SORCS2: variants seen among roughly 807,000 people sequenced by gnomAD.
SORCS2 encodes the protein sortilin related VPS10 domain containing receptor 2, also known as VPS10 domain-containing receptor SorCS2.
Under a neutral mutation model 141.6 loss-of-function variants are expected in SORCS2, and 100 were observed. The ratio of observed to expected loss-of-function variants is 0.71; its 90% CI spans 0.60 to 0.83. The LOEUF (loss-of-function observed/expected upper bound fraction) is 0.83, where lower values mean the gene tolerates loss of function less well. SORCS2 is among the 40% of genes least tolerant of loss of function. The pLI, the probability that SORCS2 is intolerant of heterozygous loss-of-function variation, is 0.00. For missense variants in SORCS2, 1,646 were observed against 1,560.2 expected (o/e 1.05, Z -0.93); for synonymous variants, 789 against 676.9 (o/e 1.17, Z -2.57).
rs1161636322 is a variant in SORCS2, at chr4:7,740,863, C to T, written c.*599C>T. 1 of 395,544 alleles carries T rather than the reference C, an allele frequency of 2.5e-6. No homozygotes were observed. Among genetic ancestry groups the T allele is most frequent in the Non-Finnish European group, 4.4e-6 (1 of 224,826 alleles). 24.5% of individuals were successfully genotyped at this position (395,544 alleles called of 1,614,324 possible). A position where few individuals can be genotyped will look rare whatever the true frequency, so the allele number is the denominator to read the frequency against. Reference sequence around the variant, plus strand: ...GCTGCTGGCGGTGGTGGGGGTGTCTCACTCTCTGTCTTTATAGCCGGCGGT... The same window carrying T: ...GCTGCTGGCGGTGGTGGGGGTGTCTTACTCTCTGTCTTTATAGCCGGCGGT... On this transcript the variant is annotated 3_prime_UTR_variant, in exon 27 of 27. Coordinates refer to ENST00000507866, the MANE Select transcript of SORCS2 (RefSeq NM_020777.3).
At chr4:7,620,785 A>G (rs1288375367) in intron 3 of SORCS2, among the ~76,000 whole-genome samples, 1 of 152,122 alleles carries the variant, frequency 6.6e-6, no homozygotes, top group Non-Finnish European at 1.5e-5. Context: ...GGCCAGGGCT[A>G]GTGGTGAAGG....
intron 18 of SORCS2, among the ~76,000 whole-genome samples, chr4:7,720,133 TCACA>T (rs1285815838): frequency 1.3e-5 from 2 of 152,120 alleles, no homozygotes; most frequent in African/African-American, 2.4e-5. Context: ...ACACACTGTC[TCACA>T]CACACAGGCC....
chr4:7,227,118 C>T (rs1337938781), intron 1 of SORCS2, among the ~76,000 whole-genome samples: 1 of 152,184 alleles, frequency 6.6e-6, no homozygotes, highest in African/African-American at 2.4e-5. Flanking sequence ...TGCACTTGTG[C>T]GTGCTCACAC....
In SORCS2 at chr4:7,433,102, G is replaced by A. The variant is rs1294083601; in HGVS notation, c.548+36747G>A. On this transcript the variant is annotated intron_variant, in intron 2 of 26. Coordinates refer to ENST00000507866, the MANE Select transcript of SORCS2 (RefSeq NM_020777.3). Reference sequence around the variant, plus strand: ...GAGCGGGGCACATGAGTGTGTTCCGGTCCAGTAGAGATGCTTTCAAGGGCA... The same window carrying A: ...GAGCGGGGCACATGAGTGTGTTCCGATCCAGTAGAGATGCTTTCAAGGGCA... The A allele has an allele frequency of 9.2e-6, 4 of 434,362 alleles. No homozygotes were observed. The East Asian group carries it at 1.1e-4, about 12-fold the overall frequency. The allele number at this position is 434,362 out of a possible 1,614,324, so 26.9% of individuals were successfully genotyped here. A position where few individuals can be genotyped will look rare whatever the true frequency, so the allele number is the denominator to read the frequency against.
intron 2 of SORCS2, among the ~76,000 whole-genome samples, chr4:7,488,102 G>A (rs10937826): frequency 0.013 from 1,914 of 152,060 alleles, 14 homozygotes; most frequent in Admixed American, 0.021. Flanking sequence ...GGAGAGGTTC[G>A]GAAATTAAGG....
At chr4:7,439,560 TC>T (rs1486793846) in intron 2 of SORCS2, among the ~76,000 whole-genome samples, 1 of 152,220 alleles carries the variant, frequency 6.6e-6, no homozygotes, top group Non-Finnish European at 1.5e-5. Flanking sequence ...GAGTGCTCCT[TC>T]CCAGTTACTT....
intron 1 of SORCS2, among the ~76,000 whole-genome samples, chr4:7,349,476 C>G (rs1311848088): frequency 1.3e-5 from 2 of 152,090 alleles, no homozygotes; most frequent in Non-Finnish European, 2.9e-5. Flanking sequence ...TCCCCAGGCC[C>G]TGGAGAGGCC....
At chr4:7,699,062 G>T (rs1177844997) in intron 12 of SORCS2, among the ~76,000 whole-genome samples, 1 of 152,166 alleles carries the variant, frequency 6.6e-6, no homozygotes, top group Non-Finnish European at 1.5e-5. Context: ...TGGTTTAATC[G>T]ACATAACCTT....
At chr4:7,707,046 C>G (rs1373968244) in intron 14 of SORCS2, among the ~76,000 whole-genome samples, 2 of 152,198 alleles carry the variant, frequency 1.3e-5, no homozygotes, top group Non-Finnish European at 2.9e-5. Flanking sequence ...GTACCTTGAG[C>G]AAAACCTGTG....
intron 2 of SORCS2, among the ~76,000 whole-genome samples, chr4:7,459,623 C>T (rs1729159341): frequency 6.6e-6 from 1 of 152,176 alleles, no homozygotes; most frequent in South Asian, 2.1e-4. Context: ...ATTCCCCGGG[C>T]ATCTGTCCTG....
chr4:7,452,658 C>T (rs909526274), intron 2 of SORCS2, among the ~76,000 whole-genome samples: 2 of 152,232 alleles, frequency 1.3e-5, no homozygotes, highest in African/African-American at 2.4e-5. Context: ...TAGCCACATG[C>T]CCAGCAGCTG....
chr4:7,698,820 C>T (rs570813487), intron 12 of SORCS2, among the ~76,000 whole-genome samples: 1 of 149,180 alleles, frequency 6.7e-6, no homozygotes, highest in Non-Finnish European at 1.5e-5. Flanking sequence ...CAGGCCTGTG[C>T]GTGTGGCAGG....
At chr4:7,394,425 G>A (rs1207839358) in intron 1 of SORCS2, among the ~76,000 whole-genome samples, 1 of 147,292 alleles carries the variant, frequency 6.8e-6, no homozygotes, top group Non-Finnish European at 1.5e-5. Context: ...TGTATGGAGG[G>A]GGCATTGAGC....
At chr4:7,626,672 A>G (rs543600940) in intron 3 of SORCS2, among the ~76,000 whole-genome samples, 1 of 152,358 alleles carries the variant, frequency 6.6e-6, no homozygotes, top group East Asian at 1.9e-4. Flanking sequence ...TCATTGAATT[A>G]CCTGATTTTA....
intron 1 of SORCS2, among the ~76,000 whole-genome samples, chr4:7,383,671 A>G (rs1432153300): frequency 6.6e-6 from 1 of 152,250 alleles, no homozygotes; most frequent in Non-Finnish European, 1.5e-5. Context: ...ATTGCCATAA[A>G]TAGACCTGAG....
At chr4:7,657,671 A>G (rs1429257642) in intron 5 of SORCS2, among the ~76,000 whole-genome samples, 1 of 150,736 alleles carries the variant, frequency 6.6e-6, no homozygotes, top group African/African-American at 2.4e-5. Context: ...ATGAGTAATT[A>G]GTGAATGAGT....
In SORCS2 at chr4:7,352,937, A is replaced by G. The variant is rs568817530; in HGVS notation, c.481-43351A>G. Among the ~76,000 whole-genome samples the G allele has an allele frequency of 6.6e-5, 10 of 152,312 alleles. No individual in the cohort carries two copies. The East Asian group carries it at 1.9e-3, about 29-fold the overall frequency. On this transcript the variant is annotated intron_variant, in intron 1 of 26. Transcript: ENST00000507866. ...ACCTCCTAACACCCTGCACAAGGGC[A>G]GGGAGAAATCATGATGTACTCTCCT...
chr4:7,707,213 G>T (rs946027940), intron 14 of SORCS2, among the ~76,000 whole-genome samples: 3 of 152,206 alleles, frequency 2.0e-5, no homozygotes, highest in Admixed American at 1.3e-4. Flanking sequence ...GCCAGGTGCT[G>T]TTTGAGGTGC....
intron 5 of SORCS2, among the ~76,000 whole-genome samples, chr4:7,660,633 C>T (rs1722098291): frequency 6.6e-6 from 1 of 152,170 alleles, no homozygotes; most frequent in Non-Finnish European, 1.5e-5. Context: ...CAGACCTGGG[C>T]AGGAGCCTGA....
Sources: allele counts gnomAD v4.1 joint callset (sites outside exome capture counted in the v4.1 genomes callset), GRCh38; gene constraint gnomAD v4.1.1; transcripts MANE v1.5; gene names NCBI Gene and HGNC (gene_info 2026-07-23, HGNC 2026-07-21).